The following ZNF827 variants were observed in gnomAD, a reference collection of about 807,000 sequenced individuals.
ZNF827 encodes zinc finger protein 827.
ZNF827 carries 13 observed loss-of-function variants against 102.4 expected under a neutral mutation model. That is an observed-to-expected ratio of 0.13 (90% CI 0.08 to 0.20). The LOEUF is 0.20. ZNF827 is among the 10% of genes least tolerant of loss of function. The pLI is 1.00. For missense variants in ZNF827, 1,103 were observed against 1,344.4 expected (o/e 0.82, Z 2.81); for synonymous variants, 523 against 536.2 (o/e 0.98, Z 0.34).
chr4:145,775,686 T>C, intron 10 of ZNF827, 103 bp downstream of exon 10: 2 of 1,407,220 alleles, frequency 1.4e-6, no homozygotes, highest in Non-Finnish European at 2.0e-6. Flanking sequence ...AGGCTATGAC[T>C]GAGAAAAGGG....
chr4:145,759,099 G>A lies in ZNF827; in HGVS notation c.*2517C>T, dbSNP rs1362024616. The A allele has an allele frequency of 6.6e-6, 1 of 152,154 alleles. No homozygotes were observed. The highest frequency in any genetic ancestry group is 1.5e-5 in the Non-Finnish European group (1 of 68,014). 9.4% of individuals were successfully genotyped at this position (152,154 alleles called of 1,614,324 possible). A position where few individuals can be genotyped will look rare whatever the true frequency, so the allele number is the denominator to read the frequency against. ...ACACATGATGGAAAACAGCAACACA[G>A]TAAGAAAATGTTCCTCCTGTACACC... On this transcript the variant is annotated 3_prime_UTR_variant, in exon 15 of 15. Transcript: ENST00000508784.
chr4:145,900,660 T>C (rs1460739648), intron 2 of ZNF827, among the ~76,000 whole-genome samples: 1 of 152,166 alleles, frequency 6.6e-6, no homozygotes, highest in African/African-American at 2.4e-5. Flanking sequence ...CCCACCCGCC[T>C]TGGCCCCTCA....
At chr4:145,907,234 C>CT (rs1454557216) in intron 1 of ZNF827, 1 of 455,966 alleles carries the variant, frequency 2.2e-6, no homozygotes, top group African/African-American at 2.0e-5. Flanking sequence ...CTGGGCTCCT[C>CT]TATTTTCATG....
intron 2 of ZNF827, among the ~76,000 whole-genome samples, chr4:145,893,480 T>C (rs1750759161): frequency 6.6e-6 from 1 of 152,188 alleles, no homozygotes; most frequent in Non-Finnish European, 1.5e-5. Context: ...GACGATGATA[T>C]AAAAACATGT....
chr4:145,834,138 G>A (rs1365638239), intron 7 of ZNF827, among the ~76,000 whole-genome samples: 10 of 152,188 alleles, frequency 6.6e-5, no homozygotes, highest in Middle Eastern at 3.4e-3. Flanking sequence ...ATACAAACTC[G>A]ACAGTAGTTC....
At chr4:145,860,472 GT>G (rs893502521) in intron 5 of ZNF827, among the ~76,000 whole-genome samples, 1 of 152,164 alleles carries the variant, frequency 6.6e-6, no homozygotes, top group Non-Finnish European at 1.5e-5. Context: ...AAAGAAACAA[GT>G]TCATAATTTA....
intron 11 of ZNF827, among the ~76,000 whole-genome samples, chr4:145,767,534 G>T (rs11943487): frequency 0.17 from 26,460 of 151,978 alleles, 3,339 homozygotes; most frequent in East Asian, 0.69. Flanking sequence ...TCAAGCATAA[G>T]AAACACGAAG....
chr4:145,895,246 G>A (rs540692150), intron 2 of ZNF827, among the ~76,000 whole-genome samples: 73 of 152,208 alleles, frequency 4.8e-4, no homozygotes, highest in African/African-American at 1.6e-3. Flanking sequence ...TCTTCCCCTC[G>A]CATCTTGCCT....
chr4:145,776,255 G>A (rs1440521326), intron 9 of ZNF827, among the ~76,000 whole-genome samples: 2 of 152,012 alleles, frequency 1.3e-5, no homozygotes, highest in Admixed American at 1.3e-4. Flanking sequence ...ACAGGAGCTC[G>A]AGACCAGCCT....
intron 8 of ZNF827, among the ~76,000 whole-genome samples, chr4:145,792,745 T>C (rs192140931): frequency 3.7e-4 from 56 of 152,308 alleles, no homozygotes; most frequent in African/African-American, 1.3e-3. Context: ...TCCAAAGTAG[T>C]TGAGCAAAAG....
chr4:145,907,372 GA>G (rs34033464), intron 1 of ZNF827: 2 of 362,894 alleles, frequency 5.5e-6, no homozygotes, highest in Non-Finnish European at 1.1e-5. Flanking sequence ...TACATCGTGA[GA>G]AAAAGTTCTC....
At chr4:145,822,647 C>G (rs1177442807) in intron 8 of ZNF827, among the ~76,000 whole-genome samples, 1 of 150,550 alleles carries the variant, frequency 6.6e-6, no homozygotes, top group Non-Finnish European at 1.5e-5. Context: ...AAGGTAGCAA[C>G]TGGCAGAAGT....
At chr4:145,810,630 C>CT (rs1336320826) in intron 8 of ZNF827, among the ~76,000 whole-genome samples, 2 of 152,162 alleles carry the variant, frequency 1.3e-5, no homozygotes, top group Non-Finnish European at 2.9e-5. Context: ...TGTACTGCCT[C>CT]TTTTTTAAAA....
chr4:145,784,336 T>G (rs926957413), intron 8 of ZNF827, among the ~76,000 whole-genome samples: 4 of 152,228 alleles, frequency 2.6e-5, no homozygotes, highest in Non-Finnish European at 4.4e-5. Flanking sequence ...AGTCCCTGTT[T>G]GTTTCAGCCA....
At chr4:145,823,283 G>C (rs2126491814) in intron 8 of ZNF827, 139 bp downstream of exon 8, 2 of 661,824 alleles carry the variant, frequency 3.0e-6, no homozygotes, top group East Asian at 5.6e-5. Flanking sequence ...CTTAAATTGA[G>C]TTTCTCCTTC....
At chr4:145,882,249 A>T (rs749425714) in intron 4 of ZNF827, among the ~76,000 whole-genome samples, 1 of 152,204 alleles carries the variant, frequency 6.6e-6, no homozygotes, top group Non-Finnish European at 1.5e-5. Context: ...CTGCTGGAAC[A>T]TACAGGCCTG....
chr4:145,832,075 C>A (rs995244791), intron 7 of ZNF827: 1 of 152,172 alleles, frequency 6.6e-6, no homozygotes, highest in South Asian at 2.1e-4. Flanking sequence ...ACAGCTTGGG[C>A]AACATGGCAG....
At chr4:145,806,147 CTTT>C (rs11364915) in intron 8 of ZNF827, among the ~76,000 whole-genome samples, 40 of 77,312 alleles carry the variant, frequency 5.2e-4, no homozygotes, top group Non-Finnish European at 4.4e-4. Context: ...AATAAATGAA[CTTT>C]TTTTTTTTTT....
At chr4:145,867,181 C>T (rs1748286998) in intron 5 of ZNF827, among the ~76,000 whole-genome samples, 1 of 152,164 alleles carries the variant, frequency 6.6e-6, no homozygotes, top group Non-Finnish European at 1.5e-5. Context: ...TTCTTTATGG[C>T]AATCAATTTA....
Sources: allele counts gnomAD v4.1 joint callset (sites outside exome capture counted in the v4.1 genomes callset), GRCh38; gene constraint gnomAD v4.1.1; transcripts MANE v1.5; gene names NCBI Gene and HGNC (gene_info 2026-07-23, HGNC 2026-07-21).